The following CCDC7 variants were observed in gnomAD, a reference collection of about 807,000 sequenced individuals.
CCDC7 encodes coiled-coil domain-containing protein 7.
A neutral mutation model predicts 196.9 loss-of-function variants in CCDC7; 183 were observed. The observed-to-expected ratio is 0.93, with a 90% CI of 0.82 to 1.05. The LOEUF is 1.05. Among genes scored for constraint, CCDC7 ranks in the 50% least tolerant of loss-of-function variants. The probability of loss-of-function intolerance (pLI) is 0.00; values close to 1 mark genes in which losing one functional copy is unlikely to be tolerated. For missense variants in CCDC7, 1,540 were observed against 1,482.2 expected, an observed-to-expected ratio of 1.04 and a Z score of -0.64; for synonymous variants, 525 against 484.6, an observed-to-expected ratio of 1.08 and a Z score of -1.10.
intron 13 of CCDC7, among the ~76,000 whole-genome samples, chr10:32,555,768 A>G (rs1013057529): frequency 6.6e-6 from 1 of 152,208 alleles, no homozygotes; most frequent in African/African-American, 2.4e-5. Flanking sequence ...CCTAAATAAC[A>G]AATTATTCCA....
intron 32 of CCDC7, among the ~76,000 whole-genome samples, chr10:32,831,714 C>T (rs931101479): frequency 3.3e-5 from 5 of 152,130 alleles, no homozygotes; most frequent in African/African-American, 4.8e-5. Flanking sequence ...ACGTCTTGCC[C>T]CAGTGGAAAG....
At chr10:32,865,833 A>G (rs567759397) in intron 41 of CCDC7, among the ~76,000 whole-genome samples, 81 of 151,984 alleles carry the variant, frequency 5.3e-4, no homozygotes, top group Non-Finnish European at 1.0e-3. Context: ...CAAGCAAACA[A>G]GCAAACACAT....
chr10:32,773,712 T>C (rs901951799), intron 28 of CCDC7, among the ~76,000 whole-genome samples: 2 of 152,186 alleles, frequency 1.3e-5, no homozygotes, highest in African/African-American at 4.8e-5. Flanking sequence ...TTGCTCTTTT[T>C]TGGTGGTGTC....
At chr10:32,605,256 C>T (rs988775463) in intron 18 of CCDC7, among the ~76,000 whole-genome samples, 16 of 152,150 alleles carry the variant, frequency 1.1e-4, no homozygotes, top group African/African-American at 1.4e-4. Flanking sequence ...TGAAGAACCA[C>T]GAGCCAATTA....
chr10:32,718,672 A>T (rs147560720), intron 25 of CCDC7, among the ~76,000 whole-genome samples: 4,273 of 152,278 alleles, frequency 0.028, 218 homozygotes, highest in African/African-American at 0.097. Context: ...AACTTCAGCA[A>T]AGTCCCAGGA....
chr10:32,601,864 G>T (rs1263369007), intron 18 of CCDC7, among the ~76,000 whole-genome samples: 1 of 152,108 alleles, frequency 6.6e-6, no homozygotes, highest in East Asian at 1.9e-4. Flanking sequence ...GCACCAGTCA[G>T]CACTCTGTAA....
At chr10:32,639,223 C>G (rs2066252498) in intron 20 of CCDC7, among the ~76,000 whole-genome samples, 2 of 152,088 alleles carry the variant, frequency 1.3e-5, no homozygotes, top group African/African-American at 4.8e-5. Flanking sequence ...TTTTTTGGGT[C>G]TCTATTTCCT....
intron 29 of CCDC7, among the ~76,000 whole-genome samples, chr10:32,792,371 C>T (rs2082847625): frequency 6.6e-6 from 1 of 152,128 alleles, no homozygotes; most frequent in Non-Finnish European, 1.5e-5. Flanking sequence ...TCAGAAATAA[C>T]TAAAGCTACA....
At chr10:32,706,076 A>T (rs568850072) in intron 24 of CCDC7, among the ~76,000 whole-genome samples, 2 of 152,096 alleles carry the variant, frequency 1.3e-5, no homozygotes, top group Non-Finnish European at 2.9e-5. Context: ...GAAGTAAAGC[A>T]CTCCTCAGCA....
intron 24 of CCDC7, among the ~76,000 whole-genome samples, chr10:32,701,953 G>A (rs9732979): frequency 1 from 152,070 of 152,280 alleles, 75,931 homozygotes; most frequent in Middle Eastern, 1. Flanking sequence ...AATTTTGTTG[G>A]TCTTTTCAAA....
intron 18 of CCDC7, among the ~76,000 whole-genome samples, chr10:32,632,141 G>T (rs1221407668): frequency 0.12 from 119 of 1,000 alleles, no homozygotes; most frequent in South Asian, 0.25. Flanking sequence ...CTTTTTTTTG[G>T]GGGGGGGGGG....
At chr10:32,795,246 A>G (rs766787897) in intron 29 of CCDC7, among the ~76,000 whole-genome samples, 2 of 152,054 alleles carry the variant, frequency 1.3e-5, no homozygotes, top group Non-Finnish European at 2.9e-5. Context: ...TTTGTAGGCA[A>G]TCTTCGTTCC....
chr10:32,748,685 G>C (rs2075202739), intron 28 of CCDC7, among the ~76,000 whole-genome samples: 1 of 152,162 alleles, frequency 6.6e-6, no homozygotes, highest in Admixed American at 6.5e-5. Flanking sequence ...AACTTCTCCA[G>C]TGCTTCTCAG....
chr10:32,670,454 A>C (rs1008592212), intron 21 of CCDC7, among the ~76,000 whole-genome samples: 24 of 151,690 alleles, frequency 1.6e-4, no homozygotes, highest in African/African-American at 5.8e-4. Flanking sequence ...GGTTAGTTAC[A>C]TATGTATACA....
chr10:32,501,416 TC>T (rs2044009803), intron 9 of CCDC7, among the ~76,000 whole-genome samples: 1 of 152,100 alleles, frequency 6.6e-6, no homozygotes, highest in South Asian at 2.1e-4. Flanking sequence ...CCAGTTTTAT[TC>T]CCTTGCTGGT....
intron 29 of CCDC7, among the ~76,000 whole-genome samples, chr10:32,801,910 C>T (rs571397539): frequency 2.0e-4 from 31 of 152,296 alleles, no homozygotes; most frequent in Non-Finnish European, 3.8e-4. Context: ...TTTAGGAGCT[C>T]AGTGCCTCCA....
chr10:32,854,654 ATGTAAACAGTGGTT>A (rs2093684236), intron 41 of CCDC7, among the ~76,000 whole-genome samples, 165 bp downstream of exon 42: 1 of 152,202 alleles, frequency 6.6e-6, no homozygotes, highest in Admixed American at 6.5e-5. Context: ...AAAAATATAT[ATGTAAACAGTGGTT>A]TGTGGTTCTG....
At chr10:32,498,561 A>T (rs2043282443) in intron 9 of CCDC7, among the ~76,000 whole-genome samples, 1 of 152,058 alleles carries the variant, frequency 6.6e-6, no homozygotes, top group Admixed American at 6.6e-5. Context: ...TTAGGAGCTC[A>T]TGTAAAGGCA....
Position 32,698,735 on chromosome 10 carries a change from A to G in CCDC7, c.2458+3743A>G, listed in dbSNP as rs183544580. On this transcript the variant is annotated intron_variant, in intron 24 of 41. Coordinates refer to ENST00000639629, the Ensembl canonical transcript of CCDC7. Reference sequence around the variant, plus strand: ...GACCAAATCTGCATTTGATTGGTGTACCTGAAAGTGACAGGGAGAATGGAA... The same window carrying G: ...GACCAAATCTGCATTTGATTGGTGTGCCTGAAAGTGACAGGGAGAATGGAA... Among the ~76,000 whole-genome samples the G allele has an allele frequency of 7.9e-3, 1,206 of 152,354 alleles. 7 individuals carry two copies. The highest frequency in any genetic ancestry group is 0.02 in the Middle Eastern group (6 of 294).
Sources: allele counts gnomAD v4.1 joint callset (sites outside exome capture counted in the v4.1 genomes callset), GRCh38; gene constraint gnomAD v4.1.1; transcripts MANE v1.5; gene names NCBI Gene and HGNC (gene_info 2026-07-23, HGNC 2026-07-21).